Variants in DMD observed in about 807,000 individuals in gnomAD.
The protein encoded by DMD is mutant dystrophin.
DMD carries 63 observed loss-of-function variants against 330.1 expected under a neutral mutation model. That is an observed-to-expected ratio of 0.19 (90% CI 0.16 to 0.24). The LOEUF is 0.24. Among genes scored for constraint, DMD ranks in the 10% least tolerant of loss-of-function variants. The probability of loss-of-function intolerance (pLI) is 1.00; values close to 1 mark genes in which losing one functional copy is unlikely to be tolerated. For missense variants in DMD, 3,344 were observed against 2,684.1 expected (o/e 1.25, Z -5.43); for synonymous variants, 1,223 against 959.8 (o/e 1.27, Z -5.07).
At chrX:31,448,617 G>C (rs927887792) in intron 59 of DMD, among the ~76,000 whole-genome samples, 2 of 112,467 alleles carry the variant, frequency 1.8e-5, no homozygotes, top group African/African-American at 6.5e-5. Context: ...TGAGCAATAC[G>C]AGGTGCTATT....
Position 32,964,255 on chromosome X carries a change from C to CAAAAAAAAAAAAAAAAAAAAAAAA in DMD, c.93+55883_93+55884insTTTTTTTTTTTTTTTTTTTTTTTT, listed in dbSNP as rs781702491. Among the ~76,000 whole-genome samples, 23 of 35,178 alleles carry CAAAAAAAAAAAAAAAAAAAAAAAA rather than the reference C, an allele frequency of 6.5e-4. 2 individuals carry two copies. Among genetic ancestry groups the CAAAAAAAAAAAAAAAAAAAAAAAA allele is most frequent in the African/African-American group, 2.5e-3 (22 of 8,783 alleles). The allele number at this position is 35,178 out of a possible 115,157, so 30.5% of individuals were successfully genotyped here. On this transcript the variant is annotated intron_variant, in intron 2 of 78. Coordinates refer to ENST00000357033, the MANE Select transcript of DMD (RefSeq NM_004006.3). Reference sequence around the variant, plus strand: ...CTGGTGACAGAGCAAGACTCCATCTCAAAAAAAAAAAAAAAAAAAATTCAC... The same window carrying CAAAAAAAAAAAAAAAAAAAAAAAA: ...CTGGTGACAGAGCAAGACTCCATCTCAAAAAAAAAAAAAAAAAAAAAAAAAAAAAAAAAAAAAAAAAAAATTCAC...
At chrX:32,520,176 AT>A (rs1280812546) in intron 17 of DMD, among the ~76,000 whole-genome samples, 1 of 111,430 alleles carries the variant, frequency 9.0e-6, no homozygotes, top group Admixed American at 9.5e-5. Flanking sequence ...TCTTTCCTAC[AT>A]TTTTTATCCA....
chrX:32,942,859 G>T (rs1383779934), intron 2 of DMD, among the ~76,000 whole-genome samples: 1 of 111,755 alleles, frequency 8.9e-6, no homozygotes, highest in Non-Finnish European at 1.9e-5. Flanking sequence ...TTCAGTAGGA[G>T]AAGTGAAGAA....
At chrX:32,604,101 G>C (rs1375306239) in intron 12 of DMD, among the ~76,000 whole-genome samples, 3 of 110,245 alleles carry the variant, frequency 2.7e-5, no homozygotes, top group African/African-American at 9.9e-5. Flanking sequence ...ATCCTCAACA[G>C]AATGCTAGCA....
chrX:32,665,770 G>A (rs758823366), intron 9 of DMD, among the ~76,000 whole-genome samples: 2 of 112,228 alleles, frequency 1.8e-5, no homozygotes, highest in Admixed American at 1.9e-4. Context: ...TGTCAAGTTA[G>A]TGTCTTCCCT....
At chrX:31,284,588 T>TTCTTCTTCTTCTTC in intron 62 of DMD, among the ~76,000 whole-genome samples, 2 of 99,274 alleles carry the variant, frequency 2.0e-5, no homozygotes, top group African/African-American at 7.7e-5. Context: ...CTTCTTCTTC[T>TTCTTCTTCTTCTTC]TCTTCTTCTT....
intron 1 of DMD, among the ~76,000 whole-genome samples, chrX:33,326,381 A>C (rs370134250): frequency 1.7e-4 from 19 of 112,243 alleles, no homozygotes; most frequent in East Asian, 5.6e-4. Context: ...TTCTATGCAC[A>C]GGGGTGCATG....
intron 12 of DMD, among the ~76,000 whole-genome samples, chrX:32,600,271 T>A (rs894111806): frequency 8.9e-6 from 1 of 111,740 alleles, no homozygotes; most frequent in African/African-American, 3.3e-5. Context: ...AAAATAATAC[T>A]TAGGAAATAA....
rs1184910186 is a variant in DMD, at chrX:31,709,578, CTCTG to C, written c.7660+20049_7660+20052del. On this transcript the variant is annotated intron_variant, in intron 52 of 78. Transcript: ENST00000357033. ...CAGCTCTCTCTCTCTCTCTCTCTCT[CTCTG>C]TCTGTGTGTGTGTGTGTGTGTGTGT... 3.2e-3 allele frequency among the ~76,000 whole-genome samples: 265 copies of C among 81,863 alleles called. 2 individuals carry two copies. The highest frequency in any genetic ancestry group is 5.7e-3 in the African/African-American group (105 of 18,577). 71.1% of individuals were successfully genotyped at this position (81,863 alleles called of 115,157 possible).
At chrX:32,498,590 A>G (rs1294416117) in intron 19 of DMD, among the ~76,000 whole-genome samples, 1 of 111,721 alleles carries the variant, frequency 9.0e-6, no homozygotes, top group African/African-American at 3.2e-5. Flanking sequence ...TAAAAATTCC[A>G]AATAAATTAG....
chrX:31,350,618 TGTGTGTGTGTGTGTGAGAGA>T (rs1373485827), intron 60 of DMD, among the ~76,000 whole-genome samples: 1 of 47,618 alleles, frequency 2.1e-5, no homozygotes, highest in Non-Finnish European at 4.3e-5. Flanking sequence ...TGTGTGTGTG[TGTGTGTGTGTGTGTGAGAGA>T]GAGAGAGAGA....
intron 44 of DMD, among the ~76,000 whole-genome samples, chrX:32,044,444 T>C (rs1006112458): frequency 9.1e-5 from 10 of 109,369 alleles, no homozygotes; most frequent in Non-Finnish European, 1.5e-4. Context: ...TTTTTTGAGA[T>C]GAAGTCTCGC....
intron 12 of DMD, among the ~76,000 whole-genome samples, chrX:32,607,372 A>T (rs1449484617): frequency 9.1e-6 from 1 of 110,355 alleles, no homozygotes; most frequent in Non-Finnish European, 1.9e-5. Flanking sequence ...CCATTATTAA[A>T]TATCCTCAGT....
At chrX:31,871,727 TAAAAA>T (rs1190805809) in intron 48 of DMD, among the ~76,000 whole-genome samples, 3 of 108,855 alleles carry the variant, frequency 2.8e-5, no homozygotes, top group African/African-American at 1.0e-4. Context: ...TACCTTGTGT[TAAAAA>T]AAAGGGCATG....
chrX:32,290,929 T>A (rs778155819), intron 42 of DMD, among the ~76,000 whole-genome samples: 1 of 111,911 alleles, frequency 8.9e-6, no homozygotes, highest in South Asian at 3.7e-4. Context: ...ATATATTTGG[T>A]CATAGGCTCA....
chrX:31,153,595 G>A (rs2037726749), intron 74 of DMD, among the ~76,000 whole-genome samples: 1 of 111,770 alleles, frequency 8.9e-6, no homozygotes, highest in South Asian at 3.7e-4. Flanking sequence ...AGCAGAGAAA[G>A]ATGCCTTCAA....
intron 47 of DMD, among the ~76,000 whole-genome samples, chrX:31,892,690 G>A (rs1347635493): frequency 9.0e-6 from 1 of 111,461 alleles, no homozygotes; most frequent in Non-Finnish European, 1.9e-5. Context: ...TGACTGTACT[G>A]AATACTACAG....
chrX:33,296,127 T>G (rs2148933947), intron 1 of DMD, among the ~76,000 whole-genome samples: 1 of 111,543 alleles, frequency 9.0e-6, no homozygotes, highest in Admixed American at 9.6e-5. Context: ...TGTTGACTTT[T>G]ATCCATGTCT....
intron 53 of DMD, among the ~76,000 whole-genome samples, chrX:31,672,923 T>C (rs965400877): frequency 2.7e-5 from 3 of 112,304 alleles, no homozygotes; most frequent in African/African-American, 9.7e-5. Flanking sequence ...AGGAACCTGT[T>C]ATGTTAAAGA....
Sources: allele counts gnomAD v4.1 joint callset (sites outside exome capture counted in the v4.1 genomes callset), GRCh38; gene constraint gnomAD v4.1.1; transcripts MANE v1.5; gene names NCBI Gene and HGNC (gene_info 2026-07-23, HGNC 2026-07-21).